MTNR1A: variants seen among roughly 807,000 people sequenced by gnomAD.
MTNR1A encodes the protein melatonin receptor type 1A.
MTNR1A carries 7 observed loss-of-function variants against 5.5 expected under a neutral mutation model. That is an observed-to-expected ratio of 1.28 (90% CI 0.73 to 2.40). The LOEUF (loss-of-function observed/expected upper bound fraction) is 2.40, where lower values mean the gene tolerates loss of function less well. Ranked by LOEUF, MTNR1A falls within the 30% of genes most tolerant of loss-of-function variation. MTNR1A has a pLI of 0.00. For synonymous variants in MTNR1A, 196 were observed against 202.7 expected (o/e 0.97, Z 0.28); for missense variants, 441 against 464.4 (o/e 0.95, Z 0.46).
intron 1 of MTNR1A, among the ~76,000 whole-genome samples, chr4:186,545,098 C>T (rs1207357365): frequency 2.0e-5 from 3 of 152,304 alleles, no homozygotes; most frequent in South Asian, 2.1e-4. Context: ...CAAGCTCCCC[C>T]TGAGAGTGCT....
chr4:186,550,346 T>C (rs1474507728), intron 1 of MTNR1A, among the ~76,000 whole-genome samples: 2 of 152,230 alleles, frequency 1.3e-5, no homozygotes, highest in African/African-American at 4.8e-5. Context: ...TAAAGGAGTA[T>C]GTGAGTTTCC....
At chr4:186,545,947 G>A (rs972250247) in intron 1 of MTNR1A, among the ~76,000 whole-genome samples, 1 of 152,182 alleles carries the variant, frequency 6.6e-6, no homozygotes, top group African/African-American at 2.4e-5. Context: ...TAAATGTAAA[G>A]AGACTATACC....
At position 186,555,089 on chromosome 4, in the gene MTNR1A, G is replaced by C; in HGVS notation, c.184+93C>G. 1 of 1,348,736 alleles carries C rather than the reference G, an allele frequency of 7.4e-7. No homozygotes were observed. The highest frequency in any genetic ancestry group is 1.0e-6 in the Non-Finnish European group (1 of 965,910). 83.5% of individuals were successfully genotyped at this position (1,348,736 alleles called of 1,614,324 possible). ...AATAACTCCAAGTCCGCAGTGTTTA[G>C]GAAAAAGAACCAAGTGCTTGGGGAA... On this transcript the variant is annotated intron_variant, in intron 1 of 1. Transcript: ENST00000307161. The surrounding 1 kb of genome is among the most constrained non-coding windows in gnomAD (Gnocchi z 4.1).
rs2126310028 is a variant in MTNR1A, at chr4:186,555,057, C to G, written c.184+125G>C. On this transcript the variant is annotated intron_variant, in intron 1 of 1. Transcript: ENST00000307161. This position sits in a 1 kb window ranked among gnomAD's most constrained non-coding sequence, Gnocchi z 4.1. ...CAGGCTGGAGAAGAGTCCTCTCTAA[C>G]AGGAAAAATAACTCCAAGTCCGCAG... is the stretch of plus-strand genomic sequence containing the variant. 2 of 1,129,868 alleles carry G rather than the reference C, an allele frequency of 1.8e-6. No individual in the cohort carries two copies. Among genetic ancestry groups the G allele is most frequent in the Admixed American group, 4.1e-5 (2 of 48,734 alleles). The allele number at this position is 1,129,868 out of a possible 1,614,324, so 70.0% of individuals were successfully genotyped here. A position where few individuals can be genotyped will look rare whatever the true frequency, so the allele number is the denominator to read the frequency against.
chr4:186,535,021 G>A (rs1236263271), intron 1 of MTNR1A, among the ~76,000 whole-genome samples: 1 of 152,190 alleles, frequency 6.6e-6, no homozygotes, highest in South Asian at 2.1e-4. Flanking sequence ...CCCATAGAGA[G>A]GGAGTTAAGG....
chr4:186,541,725 G>A (rs1478371244), intron 1 of MTNR1A, among the ~76,000 whole-genome samples: 2 of 152,164 alleles, frequency 1.3e-5, no homozygotes, highest in African/African-American at 2.4e-5. Context: ...CCCTCCTTAT[G>A]AGAATCTAAC....
rs775674720 is a variant in MTNR1A at position 186,534,368 on chromosome 4, C to A, written c.374G>T (p.Arg125Leu). The change falls in exon 2 of 2, where the codon CGC (arginine) becomes CTC (leucine). Residue 125 changes from arginine to leucine, a missense_variant. Arg to Leu is a moderately radical substitution (Grantham distance 102). Coordinates refer to ENST00000307161, the MANE Select transcript of MTNR1A (RefSeq NM_005958.4). ...GAGACTGTGGCAGATGTAGCAGTAG[C>A]GGTTGATGGCGATGCCGGTGATGTT... ...IFNITGIAIN[R>L]YCYICHSLKY... The A allele has an allele frequency of 6.2e-7, 1 of 1,614,084 alleles. No homozygotes were observed. Among genetic ancestry groups the A allele is most frequent in the South Asian group, 1.1e-5 (1 of 91,082 alleles).
chr4:186,545,583 A>G (rs1349827978), intron 1 of MTNR1A, among the ~76,000 whole-genome samples: 3 of 152,156 alleles, frequency 2.0e-5, no homozygotes, highest in Non-Finnish European at 4.4e-5. Context: ...CTTCCTGCTC[A>G]TATCCACTAA....
intron 1 of MTNR1A, among the ~76,000 whole-genome samples, chr4:186,546,203 G>A (rs1489618006): frequency 6.6e-6 from 1 of 152,084 alleles, no homozygotes; most frequent in African/African-American, 2.4e-5. Context: ...GTTCCCCTGT[G>A]ATGGAAACCA....
chr4:186,538,121 G>A (rs538215375), intron 1 of MTNR1A, among the ~76,000 whole-genome samples: 1 of 152,284 alleles, frequency 6.6e-6, no homozygotes, highest in Non-Finnish European at 1.5e-5. Flanking sequence ...ACAGCAGCAC[G>A]ACGTTGCTTT....
intron 1 of MTNR1A, among the ~76,000 whole-genome samples, chr4:186,545,072 TCTC>T (rs1737112199): frequency 6.6e-6 from 1 of 151,986 alleles, no homozygotes; most frequent in African/African-American, 2.4e-5. Flanking sequence ...CCTGATCTGC[TCTC>T]CTCTCTTTCT....
At chr4:186,536,127 A>C (rs934327541) in intron 1 of MTNR1A, among the ~76,000 whole-genome samples, 7 of 151,984 alleles carry the variant, frequency 4.6e-5, no homozygotes, top group Admixed American at 6.6e-5. Context: ...GGGTGGATCA[A>C]CTGAAGTCAG....
chr4:186,553,100 C>T (rs1303061212), intron 1 of MTNR1A, among the ~76,000 whole-genome samples: 2 of 152,222 alleles, frequency 1.3e-5, no homozygotes, highest in Non-Finnish European at 2.9e-5. Flanking sequence ...TAGATGCCTT[C>T]ACATTGTCAT....
chr4:186,555,206 G>C lies in MTNR1A; in HGVS notation c.160C>G (p.Arg54Gly), dbSNP rs1800885. ...CCTGCGTTCCTGAGCTTCTTGTTCC[G>C]ATACACCGACAGGATGACCAGGAGG... ...GNLLVILSVY[R>G]NKKLRNAGNI... Residue 54 changes from arginine (R) to glycine (G), a missense_variant, in exon 1 of 2, where the codon CGG (arginine) becomes GGG (glycine). Arg to Gly is a moderately radical substitution (Grantham distance 125). Coordinates refer to ENST00000307161, the MANE Select transcript of MTNR1A (RefSeq NM_005958.4). This position sits in a 1 kb window ranked among gnomAD's most constrained non-coding sequence, Gnocchi z 4.1. 1 of 1,595,554 alleles carries C rather than the reference G, an allele frequency of 6.3e-7. No individual in the cohort carries two copies. The highest frequency in any genetic ancestry group is 8.5e-7 in the Non-Finnish European group (1 of 1,171,734).
Position 186,534,300 on chromosome 4 carries a change from CG to C in MTNR1A, c.441del (p.Tyr147Ter). 6.2e-7 allele frequency: 1 copy of C among 1,614,136 alleles called. No individual in the cohort carries two copies. Among genetic ancestry groups the C allele is most frequent in the South Asian group, 1.1e-5 (1 of 91,084 alleles). Reference sequence around the variant, plus strand: ...AGCGTCAGGAGCCATATGAGGAGCACGTAGCAGAGGGAGTTCTTGCTGCTGT... The same window carrying C: ...AGCGTCAGGAGCCATATGAGGAGCACTAGCAGAGGGAGTTCTTGCTGCTGT... ...KLYSSKNSLC[Y>X]VLLIWLLTLA... On this transcript the variant is annotated frameshift_variant, in exon 2 of 2. Coordinates refer to ENST00000307161, the MANE Select transcript of MTNR1A (RefSeq NM_005958.4). LOFTEE classifies it low-confidence loss of function (END_TRUNC).
At position 186,534,233 on chromosome 4, in the gene MTNR1A, T is replaced by A. The variant is rs756370086; in HGVS notation, c.509A>T (p.Tyr170Phe). The A allele has an allele frequency of 1.2e-6, 2 of 1,614,020 alleles. No individual in the cohort carries two copies. Among genetic ancestry groups the A allele is most frequent in the East Asian group, 4.5e-5 (2 of 44,866 alleles). The change falls in exon 2 of 2, where the codon TAC becomes TTC. Residue 170 changes from tyrosine to phenylalanine, a missense_variant. Coordinates refer to ENST00000307161, the MANE Select transcript of MTNR1A (RefSeq NM_005958.4). ...GGTGCACGAGTAGATCCTCGGGTCG[T>A]ACTGGAGAGTCCCTGCACGGAGGTT... is the stretch of plus-strand genomic sequence containing the variant. ...LPNLRAGTLQ[Y>F]DPRIYSCTFA...
rs773302416 is a variant in MTNR1A at position 186,534,196 on chromosome 4, G to A, written c.546C>T (p.Ser182=). 12 of 1,613,578 alleles carry A rather than the reference G, an allele frequency of 7.4e-6. No individual in the cohort carries two copies. Among genetic ancestry groups the A allele is most frequent in the East Asian group, 4.5e-5 (2 of 44,856 alleles). The change falls in exon 2 of 2, where the codon TCC becomes TCT. Residue 182 remains serine, a synonymous_variant. Transcript: ENST00000307161. ...PRIYSCTFAQ[S]VSSAYTIAVV... is the part of the protein sequence containing the mutation. ...CGGCGATGGTGTAGGCGGAGCTGAC[G>A]GACTGGGCGAAGGTGCACGAGTAGA...
chr4:186,535,434 C>T (rs988653518), intron 1 of MTNR1A, among the ~76,000 whole-genome samples: 5 of 151,328 alleles, frequency 3.3e-5, no homozygotes, highest in Admixed American at 6.6e-5. Context: ...TTTTTTGAGA[C>T]AGAGTCTTGT....
chr4:186,541,962 A>G (rs1196351944), intron 1 of MTNR1A, among the ~76,000 whole-genome samples: 3 of 152,206 alleles, frequency 2.0e-5, no homozygotes, highest in African/African-American at 4.8e-5. Context: ...TGGTGTGAAG[A>G]TATTTGTGTC....
Sources: allele counts gnomAD v4.1 joint callset (sites outside exome capture counted in the v4.1 genomes callset), GRCh38; gene constraint gnomAD v4.1.1; non-coding constraint Gnocchi (gnomAD v3.1); transcripts MANE v1.5; gene names NCBI Gene and HGNC (gene_info 2026-07-23, HGNC 2026-07-21).